LIPK: variants seen among roughly 807,000 people sequenced by gnomAD.
LIPK encodes the protein lipase family member K.
A neutral mutation model predicts 48.6 loss-of-function variants in LIPK; 32 were observed. That is an observed-to-expected ratio of 0.66 (90% CI 0.50 to 0.88). The LOEUF is 0.88. Ranked by LOEUF, LIPK falls within the 40% of genes least tolerant of loss-of-function variation. LIPK has a pLI of 0.00. For missense variants in LIPK, 507 were observed against 478.5 expected (o/e 1.06, Z -0.56); for synonymous variants, 164 against 157.4 (o/e 1.04, Z -0.32).
chr10:88,731,544 A>G (rs966414002), intron 4 of LIPK, among the ~76,000 whole-genome samples: 1 of 152,236 alleles, frequency 6.6e-6, no homozygotes, highest in Non-Finnish European at 1.5e-5. Context: ...CGGTCACAGG[A>G]GCAAACTGAT....
At chr10:88,723,750 C>A (rs1842279093) in intron 1 of LIPK, among the ~76,000 whole-genome samples, 1 of 151,716 alleles carries the variant, frequency 6.6e-6, no homozygotes. Flanking sequence ...CTAGATATAA[C>A]TATAATTAAA....
At chr10:88,720,083 A>C (rs1457442958) in intron 1 of LIPK, among the ~76,000 whole-genome samples, 1 of 152,212 alleles carries the variant, frequency 6.6e-6, no homozygotes, top group Non-Finnish European at 1.5e-5. Flanking sequence ...GACAAAAAGC[A>C]ACTATTGGAG....
intron 9 of LIPK, among the ~76,000 whole-genome samples, chr10:88,751,737 G>A (rs2134805148): frequency 6.6e-6 from 1 of 152,208 alleles, no homozygotes; most frequent in East Asian, 1.9e-4. Flanking sequence ...AGGAAACAGT[G>A]GTGACTAGGT....
intron 1 of LIPK, among the ~76,000 whole-genome samples, chr10:88,713,696 T>C (rs547625471): frequency 2.4e-4 from 36 of 152,242 alleles, no homozygotes; most frequent in African/African-American, 7.5e-4. Flanking sequence ...ATCCCAGCAC[T>C]TTGGGAGGCC....
chr10:88,746,207 T>C (rs987824363), intron 9 of LIPK, among the ~76,000 whole-genome samples: 7 of 152,114 alleles, frequency 4.6e-5, no homozygotes, highest in African/African-American at 1.7e-4. Flanking sequence ...CTGACAGTAC[T>C]AGACAGATCT....
chr10:88,719,180 G>C (rs1842174569), intron 1 of LIPK, among the ~76,000 whole-genome samples: 2 of 152,150 alleles, frequency 1.3e-5, no homozygotes, highest in African/African-American at 4.8e-5. Context: ...AGCATTGTTA[G>C]ATGTTTTATA....
At chr10:88,728,571 C>A in intron 3 of LIPK, 1 of 451,226 alleles carries the variant, frequency 2.2e-6, no homozygotes, top group Non-Finnish European at 4.4e-6. Context: ...GGAGAGGGCG[C>A]CGTAGCTTCA....
chr10:88,719,389 C>T (rs774436703), intron 1 of LIPK, among the ~76,000 whole-genome samples: 2 of 152,222 alleles, frequency 1.3e-5, no homozygotes, highest in Non-Finnish European at 2.9e-5. Context: ...CACTGGGAAG[C>T]TAGTGATGGA....
rs550206060 is a variant in LIPK at position 88,739,319 on chromosome 10, C to T, written c.817-677C>T. Among the ~76,000 whole-genome samples the T allele has an allele frequency of 7.2e-5, 11 of 152,276 alleles. No individual in the cohort carries two copies. The South Asian group carries it at 2.3e-3, about 32-fold the overall frequency. On this transcript the variant is annotated intron_variant, in intron 7 of 9. Coordinates refer to ENST00000404190, the MANE Select transcript of LIPK (RefSeq NM_001080518.2). ...TTTGAATGTCCTTTGGGACTTAACA[C>T]GGGGTGAAGGAGAAGATCACTGGGG...
At chr10:88,723,199 C>T in intron 1 of LIPK, among the ~76,000 whole-genome samples, 1 of 152,006 alleles carries the variant, frequency 6.6e-6, no homozygotes, top group East Asian at 1.9e-4. Flanking sequence ...ATTTCCTACC[C>T]TTTAGAATTA....
At chr10:88,743,910 A>G (rs952140013) in intron 9 of LIPK, among the ~76,000 whole-genome samples, 1 of 152,206 alleles carries the variant, frequency 6.6e-6, no homozygotes, top group African/African-American at 2.4e-5. Context: ...CATTTGAGCT[A>G]GTAGGCAGAG....
chr10:88,747,712 A>G (rs990321951), intron 9 of LIPK, among the ~76,000 whole-genome samples: 1 of 152,206 alleles, frequency 6.6e-6, no homozygotes, highest in Non-Finnish European at 1.5e-5. Context: ...ATGAGATACC[A>G]TCTCATGCCA....
chr10:88,740,095 C>A (rs756590600), intron 8 of LIPK, 28 bp downstream of exon 8: 9 of 1,566,910 alleles, frequency 5.7e-6, no homozygotes, highest in Middle Eastern at 1.7e-4. Flanking sequence ...CTGCTTGATG[C>A]ACACATATCT....
At chr10:88,723,262 T>C (rs1199435254) in intron 1 of LIPK, among the ~76,000 whole-genome samples, 1 of 152,158 alleles carries the variant, frequency 6.6e-6, no homozygotes. Flanking sequence ...TGGTACATAA[T>C]AGGTGCTCAA....
intron 3 of LIPK, chr10:88,728,043 C>T: frequency 2.8e-6 from 1 of 357,776 alleles, no homozygotes; most frequent in Non-Finnish European, 5.6e-6. Context: ...TGGAGGACTT[C>T]AAGAGTAAGT....
chr10:88,732,668 A>G (rs1842492393), intron 6 of LIPK, 117 bp downstream of exon 6: 1 of 1,059,954 alleles, frequency 9.4e-7, no homozygotes, highest in Admixed American at 2.4e-5. Flanking sequence ...GGTATTCAAG[A>G]TATCCATGTA....
At chr10:88,730,709 C>T (rs779273519) in intron 3 of LIPK, among the ~76,000 whole-genome samples, 2 of 152,144 alleles carry the variant, frequency 1.3e-5, no homozygotes, top group African/African-American at 4.8e-5. Flanking sequence ...GGAGTTCATG[C>T]GTATCGAAGG....
At chr10:88,714,838 A>G (rs1460442474) in intron 1 of LIPK, among the ~76,000 whole-genome samples, 1 of 151,500 alleles carries the variant, frequency 6.6e-6, no homozygotes, top group Non-Finnish European at 1.5e-5. Context: ...GGCTTTATTA[A>G]TTTTCTCTAA....
At chr10:88,751,062 T>C (rs139049931) in intron 9 of LIPK, among the ~76,000 whole-genome samples, 1 of 152,294 alleles carries the variant, frequency 6.6e-6, no homozygotes, top group East Asian at 1.9e-4. Context: ...ATTAAAGATA[T>C]AAGTAAGAAG....
Sources: allele counts gnomAD v4.1 joint callset (sites outside exome capture counted in the v4.1 genomes callset), GRCh38; gene constraint gnomAD v4.1.1; transcripts MANE v1.5; gene names NCBI Gene and HGNC (gene_info 2026-07-23, HGNC 2026-07-21).